Variants in DGAT1 observed in about 807,000 individuals in gnomAD.
DGAT1 encodes diacylglycerol O-acyltransferase 1.
In DGAT1, 60 loss-of-function variants were observed where a neutral mutation model predicts 72.6. The ratio of observed to expected loss-of-function variants is 0.83; its 90% CI spans 0.67 to 1.02. The LOEUF is 1.02. DGAT1 is among the 50% of genes least tolerant of loss of function. DGAT1 has a pLI of 0.00. For missense variants in DGAT1, 592 were observed against 670.0 expected (o/e 0.88, Z 1.29); for synonymous variants, 290 against 267.5 (o/e 1.08, Z -0.82).
intron 16 of DGAT1, 47 bp downstream of exon 16, chr8:144,316,806 G>C: frequency 6.3e-7 from 1 of 1,599,274 alleles, no homozygotes; most frequent in Non-Finnish European, 8.5e-7. Flanking sequence ...AGGGGTTCAG[G>C]TGCGGGGTAA....
In DGAT1 at chr8:144,317,121, G is replaced by T; in HGVS notation, c.1161-12C>A. The T allele has an allele frequency of 4.3e-6, 7 of 1,612,756 alleles. No homozygotes were observed. Among genetic ancestry groups the T allele is most frequent in the Non-Finnish European group, 5.9e-6 (7 of 1,179,622 alleles). ...GCTTGTAGAAGTGTCTGCAGAGGAG[G>T]GGGCATGGAAAGCGGTTCAGGTTCA... On this transcript the variant is annotated splice_polypyrimidine_tract_variant and intron_variant, in intron 14 of 16. Coordinates refer to ENST00000528718, the MANE Select transcript of DGAT1 (RefSeq NM_012079.6).
intron 2 of DGAT1, 95 bp from the exon 3 acceptor site, chr8:144,319,163 C>G: frequency 6.9e-7 from 1 of 1,453,032 alleles, no homozygotes; most frequent in Non-Finnish European, 9.4e-7. Context: ...CGTCCCAGCC[C>G]GAGCTCAGGG....
At position 144,318,526 on chromosome 8, in the gene DGAT1, G is replaced by A. The variant is rs1305131804; in HGVS notation, c.509C>T (p.Ala170Val). 6 of 1,611,710 alleles carry A rather than the reference G, an allele frequency of 3.7e-6. No individual in the cohort carries two copies. The highest frequency in any genetic ancestry group is 2.5e-6 in the Non-Finnish European group (3 of 1,179,940). The part of the protein sequence containing the change: ...TEQAGLLLHV[A>V]NLATILCFPA... The stretch of plus-strand genomic sequence containing the variant: ...GAAACACAGAATGGTGGCCAGGTTG[G>A]CCACGTGCAGCAGCAGTCCCGCCTG... Residue 170 changes from alanine to valine, a missense_variant, in exon 6 of 17, where the codon GCC becomes GTC. By Grantham distance (64) the Ala-to-Val change is moderately conservative (BLOSUM62 0). Coordinates refer to ENST00000528718, the MANE Select transcript of DGAT1 (RefSeq NM_012079.6).
chr8:144,323,414 CGCT>C (rs1554848396), intron 1 of DGAT1, among the ~76,000 whole-genome samples: 10 of 152,152 alleles, frequency 6.6e-5, no homozygotes, highest in African/African-American at 2.4e-4. Flanking sequence ...ACCCCCACTG[CGCT>C]ACCCCTACCC....
chr8:144,315,377 C>T lies in DGAT1; in HGVS notation c.*1177G>A. 2.0e-6 allele frequency: 2 copies of T among 985,494 alleles called. No individual in the cohort carries two copies. Among genetic ancestry groups the T allele is most frequent in the South Asian group, 9.4e-5 (2 of 21,286 alleles). 61.0% of individuals were successfully genotyped at this position (985,494 alleles called of 1,614,324 possible). On this transcript the variant is annotated 3_prime_UTR_variant, in exon 17 of 17. Transcript: ENST00000528718. Reference sequence around the variant, plus strand: ...GATACCACCAAGGGAGCCCACCCTCCCCTCACACCACCAGTTCAGCAGGTT... The same window carrying T: ...GATACCACCAAGGGAGCCCACCCTCTCCTCACACCACCAGTTCAGCAGGTT...
chr8:144,322,088 C>T (rs1302710772), intron 1 of DGAT1, among the ~76,000 whole-genome samples: 6 of 152,188 alleles, frequency 3.9e-5, no homozygotes, highest in African/African-American at 1.4e-4. Flanking sequence ...GGCTGAGAGG[C>T]TTCCAACAGA....
At chr8:144,322,226 G>A (rs1383791710) in intron 1 of DGAT1, among the ~76,000 whole-genome samples, 1 of 152,228 alleles carries the variant, frequency 6.6e-6, no homozygotes, top group Non-Finnish European at 1.5e-5. Flanking sequence ...ATATAGCTAG[G>A]ACAAGGACAG....
rs77435109 is a variant in DGAT1, at chr8:144,318,379, C to G, written c.575-17G>C. 3.1e-6 allele frequency: 5 copies of G among 1,609,504 alleles called. No individual in the cohort carries two copies. ...GGGAGCCCACTGCAGGAGAGGTGGACTCAGGCCTCCACAGCGCCACAGCCG... is the reference window on the plus strand; with the variant it reads ...GGGAGCCCACTGCAGGAGAGGTGGAGTCAGGCCTCCACAGCGCCACAGCCG... On this transcript the variant is annotated splice_polypyrimidine_tract_variant and intron_variant, in intron 6 of 16. Transcript: ENST00000528718.
rs1554847027 is a variant in DGAT1, at chr8:144,316,579, T to C, written c.1442A>G (p.Tyr481Cys). ...TCAGGCCTCTGCCGCTGGGGCCTCA[T>C]AGTTGAGCACGTAGTAGTCGTGGAC... ...MYVHDYYVLN[Y>C]EAPAAEA The change falls in exon 17 of 17, where the codon TAT becomes TGT. Residue 481 changes from tyrosine (Y) to cysteine (C), a missense_variant. Coordinates refer to ENST00000528718, the MANE Select transcript of DGAT1 (RefSeq NM_012079.6). 1.9e-6 allele frequency: 3 copies of C among 1,601,894 alleles called. No individual in the cohort carries two copies. Among genetic ancestry groups the C allele is most frequent in the South Asian group, 1.1e-5 (1 of 89,058 alleles).
rs781911802 is a variant in DGAT1 at position 144,317,031 on chromosome 8, G to T, written c.1239C>A (p.Phe413Leu). 2 of 1,612,404 alleles carry T rather than the reference G, an allele frequency of 1.2e-6. No individual in the cohort carries two copies. The highest frequency in any genetic ancestry group is 8.5e-7 in the Non-Finnish European group (1 of 1,179,774). The change falls in exon 15 of 17, where the codon TTC (phenylalanine) becomes TTA (leucine). Residue 413 changes from phenylalanine (F) to leucine (L), a missense_variant. By Grantham distance (22) the Phe-to-Leu change is conservative. Transcript: ENST00000528718. ...CCCCCAGAGCACTGACCTCGTGGAA[G>T]AAGGCCGAGGCCAGGAACACCCCTG... ...ARTGVFLASA[F>L]FHEYLVSVPL...
Position 144,316,436 on chromosome 8 carries a change from G to T in DGAT1, c.*118C>A. ...CATAGGGGCAGAGAGGCCTCCCTGG[G>T]ACCAGAGGAGGATGCTGTGCAGCCA... On this transcript the variant is annotated 3_prime_UTR_variant, in exon 17 of 17. Coordinates refer to ENST00000528718, the MANE Select transcript of DGAT1 (RefSeq NM_012079.6). The T allele has an allele frequency of 7.6e-7, 1 of 1,313,206 alleles. No homozygotes were observed. The highest frequency in any genetic ancestry group is 1.0e-6 in the Non-Finnish European group (1 of 975,998). The allele number at this position is 1,313,206 out of a possible 1,614,324, so 81.3% of individuals were successfully genotyped here.
rs1554848791 is a variant in DGAT1, at chr8:144,326,457, GC to G, written c.179del (p.Gly60AlafsTer7). ...APNKDGDAGVGSGHWELRCHR... is the reference protein window; with the variant it reads ...APNKDGDAGVXSGHWELRCHR... ...GCTACCTCAGCTCCCAGTGGCCGCT[GC>G]CCACGCCGGCGTCTCCGTCCTTGTT... On this transcript the variant is annotated frameshift_variant, in exon 1 of 17. Transcript: ENST00000528718. LOFTEE classifies it high-confidence loss of function. 1 of 1,353,136 alleles carries G rather than the reference GC, an allele frequency of 7.4e-7. No individual in the cohort carries two copies. The allele number at this position is 1,353,136 out of a possible 1,614,324, so 83.8% of individuals were successfully genotyped here.
At chr8:144,319,138 C>G in intron 2 of DGAT1, 70 bp from the exon 3 acceptor site, 1 of 1,523,528 alleles carries the variant, frequency 6.6e-7, no homozygotes, top group South Asian at 1.2e-5. Context: ...CAGATCCTCC[C>G]AACACCTCTG....
Position 144,318,182 on chromosome 8 carries a change from CAG to C in DGAT1, c.677-15_677-14del. On this transcript the variant is annotated splice_polypyrimidine_tract_variant and intron_variant, in intron 7 of 16. Transcript: ENST00000528718. Reference sequence around the variant, plus strand: ...TTCCCTGCAGAGGCTACGAGCACAGCAGAGTGGGAGGGGGCTGGTGGGGCCCT... The same window carrying C: ...TTCCCTGCAGAGGCTACGAGCACAGCAGTGGGAGGGGGCTGGTGGGGCCCT... 6.2e-7 allele frequency: 1 copy of C among 1,608,386 alleles called. No individual in the cohort carries two copies. The highest frequency in any genetic ancestry group is 1.1e-5 in the South Asian group (1 of 90,744).
At chr8:144,321,991 C>T (rs1346399597) in intron 1 of DGAT1, among the ~76,000 whole-genome samples, 4 of 152,236 alleles carry the variant, frequency 2.6e-5, no homozygotes, top group African/African-American at 4.8e-5. Flanking sequence ...ATCCAGCCCT[C>T]GTGTGCCGGT....
rs781798132 is a variant in DGAT1 at position 144,317,561 on chromosome 8, G to A, written c.964C>T (p.Arg322Cys). Residue 322 changes from arginine to cysteine, a missense_variant, in exon 12 of 17, where the codon CGC becomes TGC. Transcript: ENST00000528718. ...KDMDYSRIIE[R>C]LLKLAVPNHL... ...GCACTCACCGCCAGCTTCAGGAGGC[G>A]CTCGATGATGCGTGAGTAGTCCATG... 1.7e-5 allele frequency: 27 copies of A among 1,613,714 alleles called. No homozygotes were observed. Among genetic ancestry groups the A allele is most frequent in the East Asian group, 2.2e-5 (1 of 44,898 alleles).
At position 144,318,094 on chromosome 8, in the gene DGAT1, C is replaced by CCG; in HGVS notation, c.750_751dup (p.Asp251AlafsTer46). On this transcript the variant is annotated frameshift_variant and splice_region_variant. Transcript: ENST00000528718. LOFTEE classifies it high-confidence loss of function. ...CACCTCAGGCCCACAGAGGTCCTCA[C>CCG]CGCGGTAGGTCAGATTGTCCGGGTA... 1 of 1,529,600 alleles carries CCG rather than the reference C, an allele frequency of 6.5e-7. No homozygotes were observed. The highest frequency in any genetic ancestry group is 8.8e-7 in the Non-Finnish European group (1 of 1,139,266). The allele number at this position is 1,529,600 out of a possible 1,614,324, so 94.8% of individuals were successfully genotyped here.
Position 144,315,212 on chromosome 8 carries a change from A to C in DGAT1, c.*1342T>G, listed in dbSNP as rs1817159289. ...CACTGGCCAACTGATAGGGAGAGGC[A>C]CAGGAGCCCATGTGGGATGGAGGAG... On this transcript the variant is annotated 3_prime_UTR_variant, in exon 17 of 17. Transcript: ENST00000528718. 1.0e-6 allele frequency: 1 copy of C among 985,452 alleles called. No individual in the cohort carries two copies. The allele number at this position is 985,452 out of a possible 1,614,324, so 61.0% of individuals were successfully genotyped here.
At position 144,318,217 on chromosome 8, in the gene DGAT1, C is replaced by T. The variant is rs534296486; in HGVS notation, c.676+44G>A. 43 of 1,609,024 alleles carry T rather than the reference C, an allele frequency of 2.7e-5. No individual in the cohort carries two copies. In the East Asian group the frequency reaches 8.9e-4, roughly 33 times the overall value. On this transcript the variant is annotated intron_variant, in intron 7 of 16. Coordinates refer to ENST00000528718, the MANE Select transcript of DGAT1 (RefSeq NM_012079.6). The stretch of plus-strand genomic sequence containing the variant: ...GGGGGCTGGTGGGGCCCTGCTGCTG[C>T]CCAGCCCCCCAGCAGGCAGCCCCAG...
Sources: allele counts gnomAD v4.1 joint callset (sites outside exome capture counted in the v4.1 genomes callset), GRCh38; gene constraint gnomAD v4.1.1; transcripts MANE v1.5; gene names NCBI Gene and HGNC (gene_info 2026-07-23, HGNC 2026-07-21).